FHIP1A: variants seen among roughly 807,000 people sequenced by gnomAD.
FHIP1A encodes the protein FHF complex subunit HOOK interacting protein 1A.
FHIP1A carries 61 observed loss-of-function variants against 88.6 expected under a neutral mutation model. The ratio of observed to expected loss-of-function variants is 0.69; its 90% CI spans 0.56 to 0.85. The LOEUF (loss-of-function observed/expected upper bound fraction) is 0.85. Among genes scored for constraint, FHIP1A ranks in the 40% least tolerant of loss-of-function variants. FHIP1A has a pLI of 0.00. For missense variants in FHIP1A, 1,154 were observed against 1,273.5 expected (o/e 0.91, Z 1.43); for synonymous variants, 478 against 496.0 (o/e 0.96, Z 0.48).
intron 9 of FHIP1A, among the ~76,000 whole-genome samples, chr4:151,640,038 AGG>A (rs1433921932): frequency 6.6e-6 from 1 of 152,228 alleles, no homozygotes; most frequent in Non-Finnish European, 1.5e-5. Flanking sequence ...TGGAAAAGCC[AGG>A]GGTGTCAAAG....
chr4:151,601,788 C>A (rs912843986), intron 7 of FHIP1A, among the ~76,000 whole-genome samples: 1 of 151,626 alleles, frequency 6.6e-6, no homozygotes, highest in Non-Finnish European at 1.5e-5. Flanking sequence ...AAGCTTCCAA[C>A]CTCCTTGAGT....
intron 7 of FHIP1A, among the ~76,000 whole-genome samples, chr4:151,614,289 T>A (rs973498370): frequency 6.6e-6 from 1 of 152,026 alleles, no homozygotes; most frequent in Non-Finnish European, 1.5e-5. Flanking sequence ...GGCAACATGA[T>A]GAAACCCTGT....
At chr4:151,412,263 C>A (rs1732681032) in intron 1 of FHIP1A, among the ~76,000 whole-genome samples, 1 of 152,078 alleles carries the variant, frequency 6.6e-6, no homozygotes, top group African/African-American at 2.4e-5. Context: ...CCACCATGCT[C>A]AGCTAATTTT....
intron 2 of FHIP1A, among the ~76,000 whole-genome samples, chr4:151,480,847 C>CT: frequency 6.6e-6 from 1 of 151,822 alleles, no homozygotes; most frequent in South Asian, 2.1e-4. Flanking sequence ...CCATTTTTTT[C>CT]TTTTCACGAA....
At chr4:151,536,408 G>A (rs940645926) in intron 3 of FHIP1A, among the ~76,000 whole-genome samples, 3 of 152,066 alleles carry the variant, frequency 2.0e-5, no homozygotes, top group African/African-American at 7.2e-5. Flanking sequence ...CACTATGTGG[G>A]TCCCTTCTAT....
rs117027804 is a variant in FHIP1A, at chr4:151,444,085, G to C, written c.-355-10616G>C. On this transcript the variant is annotated intron_variant, in intron 1 of 13. Transcript: ENST00000435205. ...GCAGATTGCCTCCTTGGTGGCCTTGGAGAGCAGCTTTCCCCCGTTTCGTCT... is the reference window on the plus strand; with the variant it reads ...GCAGATTGCCTCCTTGGTGGCCTTGCAGAGCAGCTTTCCCCCGTTTCGTCT... Among the ~76,000 whole-genome samples, 10 of 152,204 alleles carry C rather than the reference G, an allele frequency of 6.6e-5. No homozygotes were observed. The East Asian group carries it at 1.9e-3, about 29-fold the overall frequency.
At chr4:151,413,034 A>G (rs964609174) in intron 1 of FHIP1A, among the ~76,000 whole-genome samples, 2 of 152,138 alleles carry the variant, frequency 1.3e-5, no homozygotes, top group African/African-American at 2.4e-5. Flanking sequence ...ACAGGATGAC[A>G]GGACTATATA....
intron 3 of FHIP1A, among the ~76,000 whole-genome samples, chr4:151,563,269 A>T (rs1733243454): frequency 6.6e-6 from 1 of 151,898 alleles, no homozygotes; most frequent in Admixed American, 6.6e-5. Flanking sequence ...ACTCAACCAC[A>T]CCACACACCT....
intron 1 of FHIP1A, among the ~76,000 whole-genome samples, chr4:151,415,309 C>G (rs1732847612): frequency 6.6e-6 from 1 of 152,012 alleles, no homozygotes; most frequent in Non-Finnish European, 1.5e-5. Context: ...GCCTCAGCCT[C>G]CTGAGTAGCT....
chr4:151,595,223 G>A (rs1288759850), intron 7 of FHIP1A, among the ~76,000 whole-genome samples: 1 of 152,134 alleles, frequency 6.6e-6, no homozygotes, highest in Non-Finnish European at 1.5e-5. Context: ...TTGGTATGTT[G>A]TGTCTTTATT....
At chr4:151,431,993 TTAA>T (rs1387535577) in intron 1 of FHIP1A, among the ~76,000 whole-genome samples, 1 of 152,218 alleles carries the variant, frequency 6.6e-6, no homozygotes, top group African/African-American at 2.4e-5. Flanking sequence ...GCTGGTGACC[TTAA>T]CTACTCTGTA....
chr4:151,526,209 T>TC (rs201008434), intron 3 of FHIP1A, among the ~76,000 whole-genome samples: 17 of 151,962 alleles, frequency 1.1e-4, no homozygotes, highest in Non-Finnish European at 4.4e-5. Context: ...TCCCCACCCT[T>TC]CCCCCCTTTC....
intron 3 of FHIP1A, among the ~76,000 whole-genome samples, chr4:151,495,646 G>A (rs1296882942): frequency 1.8e-5 from 2 of 114,096 alleles, no homozygotes; most frequent in African/African-American, 6.7e-5. Context: ...TTTTTGAGAT[G>A]GAGTTTCTTT....
chr4:151,601,912 A>G (rs1238667991), intron 7 of FHIP1A, among the ~76,000 whole-genome samples: 1 of 151,924 alleles, frequency 6.6e-6, no homozygotes, highest in Non-Finnish European at 1.5e-5. Context: ...CCTCACAATC[A>G]TGGTGGAAGG....
At position 151,485,244 on chromosome 4, in the gene FHIP1A, C is replaced by G. The variant is rs577541889; in HGVS notation, c.-123+2596C>G. ...TGGTCTCTTCACATATTCTATGACC[C>G]TTATAATTTCTTTCGAGCATAGTTT... is the stretch of plus-strand genomic sequence containing the variant. On this transcript the variant is annotated intron_variant, in intron 3 of 13. Transcript: ENST00000435205. Among the ~76,000 whole-genome samples, 14 of 140,024 alleles carry G rather than the reference C, an allele frequency of 1.0e-4. No homozygotes were observed. The East Asian group carries it at 2.7e-3, about 27-fold the overall frequency. The allele number at this position is 140,024 out of a possible 152,430, so 91.9% of individuals were successfully genotyped here. A position where few individuals can be genotyped will look rare whatever the true frequency, so the allele number is the denominator to read the frequency against.
At chr4:151,418,052 G>T (rs1010027058) in intron 1 of FHIP1A, among the ~76,000 whole-genome samples, 1 of 151,382 alleles carries the variant, frequency 6.6e-6, no homozygotes, top group East Asian at 1.9e-4. Context: ...CACCCCAGGA[G>T]TCCCAGCTAC....
rs940526675 is a variant in FHIP1A at position 151,466,805 on chromosome 4, C to T, written c.-248+11997C>T. Among the ~76,000 whole-genome samples the T allele has an allele frequency of 2.0e-5, 3 of 152,160 alleles. 1 individual carries two copies. The highest frequency in any genetic ancestry group is 4.4e-5 in the Non-Finnish European group (3 of 68,030). Reference sequence around the variant, plus strand: ...GCAGAAAACTGAAACTGGACCCTTTCCTTACACCTTATAAAAAAATTAACT... The same window carrying T: ...GCAGAAAACTGAAACTGGACCCTTTTCTTACACCTTATAAAAAAATTAACT... On this transcript the variant is annotated intron_variant, in intron 2 of 13. Coordinates refer to ENST00000435205, the MANE Select transcript of FHIP1A (RefSeq NM_001109977.3).
At chr4:151,521,024 G>A (rs1731425910) in intron 3 of FHIP1A, among the ~76,000 whole-genome samples, 2 of 152,150 alleles carry the variant, frequency 1.3e-5, no homozygotes, top group East Asian at 3.8e-4. Flanking sequence ...TATAACACAT[G>A]TCCTATGTAT....
chr4:151,445,007 A>C (rs1010728636), intron 1 of FHIP1A, among the ~76,000 whole-genome samples: 1 of 152,160 alleles, frequency 6.6e-6, no homozygotes, highest in African/African-American at 2.4e-5. Flanking sequence ...TTAAGGGCTC[A>C]GTCCAAGATT....
Sources: gnomAD v4.1 joint callset for allele counts (sites outside exome capture counted in the v4.1 genomes callset) on GRCh38, gnomAD v4.1.1 for gene constraint, MANE v1.5 for transcripts, NCBI Gene and HGNC (gene_info 2026-07-23, HGNC 2026-07-21) for gene names.